TCP10L: variants seen among roughly 807,000 people sequenced by gnomAD.
The protein encoded by TCP10L is T-complex protein 10A homolog 1.
TCP10L carries 11 observed loss-of-function variants against 19.2 expected under a neutral mutation model. That is an observed-to-expected ratio of 0.57 (90% CI 0.36 to 0.95). The LOEUF (loss-of-function observed/expected upper bound fraction) is 0.95, where lower values mean the gene tolerates loss of function less well. TCP10L is among the 40% of genes least tolerant of loss of function. TCP10L has a pLI of 0.01. For synonymous variants in TCP10L, 96 were observed against 97.2 expected (o/e 0.99, Z 0.07); for missense variants, 247 against 263.9 (o/e 0.94, Z 0.44).
At chr21:32,584,744 G>T (rs2038540183) in intron 1 of TCP10L, among the ~76,000 whole-genome samples, 1 of 152,114 alleles carries the variant, frequency 6.6e-6, no homozygotes, top group Non-Finnish European at 1.5e-5. Flanking sequence ...GTGTGAGCAG[G>T]TGTGAGTGGA....
chr21:32,577,243 G>A (rs183714876), intron 4 of TCP10L, among the ~76,000 whole-genome samples: 189 of 152,300 alleles, frequency 1.2e-3, no homozygotes, highest in East Asian at 4.4e-3. Context: ...GTTTCAAGGC[G>A]TGGATAAGCC....
rs746406922 is a variant in TCP10L, at chr21:32,578,819, C to T, written c.373G>A (p.Ala125Thr). The T allele has an allele frequency of 8.1e-6, 13 of 1,614,112 alleles. No individual in the cohort carries two copies. The highest frequency in any genetic ancestry group is 1.1e-5 in the Non-Finnish European group (13 of 1,180,010). The change falls in exon 4 of 5, where the codon GCT (alanine) becomes ACT (threonine). Residue 125 changes from alanine (A) to threonine (T), a missense_variant. Coordinates refer to ENST00000300258, the MANE Select transcript of TCP10L (RefSeq NM_144659.7). This position sits in a 1 kb window ranked among gnomAD's most constrained non-coding sequence, Gnocchi z 4.2. ...QESHTLALEP[A>T]FGKISPLSAD... ...GACAGAGGTGAAATTTTTCCAAAAG[C>T]AGGTTCCAATGCCTAAAAGACAAAA...
chr21:32,577,623 AC>A (rs1478236893), intron 4 of TCP10L: 1 of 152,272 alleles, frequency 6.6e-6, no homozygotes, highest in Admixed American at 6.5e-5. Flanking sequence ...TGAGGGTGAC[AC>A]AAAGCTGGGA....
At position 32,584,228 on chromosome 21, in the gene TCP10L, G is replaced by A. The variant is rs765471394; in HGVS notation, c.77C>T (p.Ala26Val). ...HPEDPCPGAG[A>V]VMEKTAVAAE... is the part of the protein sequence containing the mutation. ...TGCCACAGCTGTCTTCTCCATGACAGCCCCAGCTCCTGGGCACGGGTCCTC... is the reference window on the plus strand; with the variant it reads ...TGCCACAGCTGTCTTCTCCATGACAACCCCAGCTCCTGGGCACGGGTCCTC... Residue 26 changes from alanine (A) to valine (V), a missense_variant, in exon 2 of 5, where the codon GCT (alanine) becomes GTT (valine). Physicochemically the swap from Ala to Val is moderately conservative, Grantham distance 64 (BLOSUM62 0). Coordinates refer to ENST00000300258, the MANE Select transcript of TCP10L (RefSeq NM_144659.7). 3 of 1,614,138 alleles carry A rather than the reference G, an allele frequency of 1.9e-6. No homozygotes were observed. In the East Asian group the frequency reaches 6.7e-5, roughly 36 times the overall value.
chr21:32,584,056 T>A (rs1469294890), intron 2 of TCP10L, 105 bp downstream of exon 2: 37 of 1,456,834 alleles, frequency 2.5e-5, no homozygotes, highest in Middle Eastern at 2.6e-4. Context: ...GGGTGGTGCA[T>A]TCCTACAGGG....
intron 2 of TCP10L, 120 bp downstream of exon 2, chr21:32,584,041 T>A: frequency 1.5e-6 from 2 of 1,345,434 alleles, no homozygotes; most frequent in Non-Finnish European, 2.0e-6. Context: ...AGAATCAGTG[T>A]CCCGGGGTGG....
In TCP10L at chr21:32,573,754, TA is replaced by T. The variant is rs1443725746; in HGVS notation, c.*3019del. Reference sequence around the variant, plus strand: ...ATGTTTTGTGTTTTATTAAAGTGGTTATCTCCCACTTATATGTTTGCTCTGG... The same window carrying T: ...ATGTTTTGTGTTTTATTAAAGTGGTTTCTCCCACTTATATGTTTGCTCTGG... On this transcript the variant is annotated 3_prime_UTR_variant, in exon 5 of 5. Transcript: ENST00000300258. Among the ~76,000 whole-genome samples, 2 of 152,148 alleles carry T rather than the reference TA, an allele frequency of 1.3e-5. No homozygotes were observed. The highest frequency in any genetic ancestry group is 4.8e-5 in the African/African-American group (2 of 41,444).
intron 4 of TCP10L, chr21:32,577,604 T>A (rs2038449657): frequency 6.6e-6 from 1 of 152,192 alleles, no homozygotes; most frequent in Non-Finnish European, 1.5e-5. Flanking sequence ...GAGATTTGCT[T>A]CCTGAGTATG....
intron 3 of TCP10L, among the ~76,000 whole-genome samples, 188 bp from the exon 4 acceptor site, chr21:32,579,019 C>T (rs564102577): frequency 2.0e-5 from 3 of 152,140 alleles, no homozygotes; most frequent in Admixed American, 6.5e-5. Context: ...TGTGAAGGAA[C>T]CTTTGTGGAG....
intron 1 of TCP10L, 110 bp from the exon 2 acceptor site, chr21:32,584,415 G>C: frequency 7.0e-7 from 1 of 1,418,482 alleles, no homozygotes; most frequent in Non-Finnish European, 9.3e-7. Flanking sequence ...ACCCGCAGCC[G>C]CTCCTTCTCC....
chr21:32,583,270 A>G (rs376773325), intron 2 of TCP10L, among the ~76,000 whole-genome samples: 3 of 151,852 alleles, frequency 2.0e-5, no homozygotes, highest in East Asian at 1.9e-4. Flanking sequence ...CTGTACTGGC[A>G]TGGATATATG....
chr21:32,583,024 CTTTTTTTTTTTTT>C lies in TCP10L; in HGVS notation c.145-622_145-610del, dbSNP rs59972145. Among the ~76,000 whole-genome samples the C allele has an allele frequency of 6.4e-3, 610 of 94,818 alleles. 13 individuals carry two copies. The highest frequency in any genetic ancestry group is 0.053 in the South Asian group (147 of 2,780). The allele number at this position is 94,818 out of a possible 152,430, so 62.2% of individuals were successfully genotyped here. A position where few individuals can be genotyped will look rare whatever the true frequency, so the allele number is the denominator to read the frequency against. On this transcript the variant is annotated intron_variant, in intron 2 of 4. Transcript: ENST00000300258. The stretch of plus-strand genomic sequence containing the variant: ...GCAAAAAGAGGCTGGCATTCTTTTC[CTTTTTTTTTTTTT>C]TTTTTTTTTTTTTTTGAGACAGTGT...
chr21:32,578,555 C>T lies in TCP10L; in HGVS notation c.498+139G>A. ...TTGTTTGAAAGGCATGTACCCGTGT[C>T]CTTGGAAGAACACAGGACTCCAGGG... On this transcript the variant is annotated intron_variant, in intron 4 of 4. Transcript: ENST00000300258. The surrounding 1 kb of genome is among the most constrained non-coding windows in gnomAD (Gnocchi z 4.2). 5 of 1,295,302 alleles carry T rather than the reference C, an allele frequency of 3.9e-6. No homozygotes were observed. The highest frequency in any genetic ancestry group is 4.3e-6 in the Non-Finnish European group (4 of 935,804). The allele number at this position is 1,295,302 out of a possible 1,614,324, so 80.2% of individuals were successfully genotyped here.
In TCP10L at chr21:32,582,694, G is replaced by A. The variant is rs2038509661; in HGVS notation, c.145-279C>T. On this transcript the variant is annotated intron_variant, in intron 2 of 4. Coordinates refer to ENST00000300258, the MANE Select transcript of TCP10L (RefSeq NM_144659.7). The surrounding 1 kb of genome is among the most constrained non-coding windows in gnomAD (Gnocchi z 4.2). The stretch of plus-strand genomic sequence containing the variant: ...TGAAGCTTCAACTTGATGAGCTCAA[G>A]CGATCCTCCTGTCTCGACCTCCCAA... 6.6e-6 allele frequency among the ~76,000 whole-genome samples: 1 copy of A among 151,914 alleles called. No individual in the cohort carries two copies. The highest frequency in any genetic ancestry group is 1.5e-5 in the Non-Finnish European group (1 of 68,000).
rs2038437783 is a variant in TCP10L, at chr21:32,576,705, TATCTGA to T, written c.*63_*68del. ...CTTTTATTAGACCTAAGTGGAACTT[TATCTGA>T]ATCTGAATTTTCCAAGGGGCCAGTG... On this transcript the variant is annotated 3_prime_UTR_variant, in exon 5 of 5. Coordinates refer to ENST00000300258, the MANE Select transcript of TCP10L (RefSeq NM_144659.7). 7.2e-6 allele frequency: 11 copies of T among 1,518,384 alleles called. No individual in the cohort carries two copies. Among genetic ancestry groups the T allele is most frequent in the Non-Finnish European group, 9.8e-6 (11 of 1,118,250 alleles). The allele number at this position is 1,518,384 out of a possible 1,614,324, so 94.1% of individuals were successfully genotyped here.
chr21:32,579,270 AG>A (rs2038466756), intron 3 of TCP10L, among the ~76,000 whole-genome samples: 1 of 152,240 alleles, frequency 6.6e-6, no homozygotes, highest in Admixed American at 6.5e-5. Context: ...GACCTGGAAC[AG>A]GGTGATCCTT....
rs9622 is a variant in TCP10L at position 32,578,758 on chromosome 21, T to C, written c.434A>G (p.His145Arg). Residue 145 changes from histidine to arginine, a missense_variant, in exon 4 of 5, where the codon CAC becomes CGC. Coordinates refer to ENST00000300258, the MANE Select transcript of TCP10L (RefSeq NM_144659.7). This position sits in a 1 kb window ranked among gnomAD's most constrained non-coding sequence, Gnocchi z 4.2. ...CAGGAGAGTGGCACTCTGATTCTTG[T>C]GGCCAGCGTATTTGGGTATTGTCTC... Reference protein sequence around the residue: ...DEETIPKYAGHKNQSATLLGQ... With the variant: ...DEETIPKYAGRKNQSATLLGQ... 0.19 allele frequency: 299,939 copies of C among 1,614,034 alleles called. 28,739 individuals carry two copies. The highest frequency in any genetic ancestry group is 0.31 in the East Asian group (13,748 of 44,870).
At chr21:32,584,370 C>T in intron 1 of TCP10L, 65 bp from the exon 2 acceptor site, 1 of 1,549,454 alleles carries the variant, frequency 6.5e-7, no homozygotes, top group Non-Finnish European at 8.7e-7. Context: ...TCAGTGTGGG[C>T]TGAAGGCCCC....
At chr21:32,580,210 A>G (rs1037008098) in intron 3 of TCP10L, among the ~76,000 whole-genome samples, 2 of 151,928 alleles carry the variant, frequency 1.3e-5, no homozygotes, top group African/African-American at 4.8e-5. Flanking sequence ...GATTCAGGCC[A>G]TTCTCCAGCC....
Sources: allele counts gnomAD v4.1 joint callset (sites outside exome capture counted in the v4.1 genomes callset), GRCh38; gene constraint gnomAD v4.1.1; non-coding constraint Gnocchi (gnomAD v3.1); transcripts MANE v1.5; gene names NCBI Gene and HGNC (gene_info 2026-07-23, HGNC 2026-07-21).